COL25A1: variants seen among roughly 807,000 people sequenced by gnomAD.
COL25A1 encodes collagen type XXV alpha 1 chain.
COL25A1 carries 103 observed loss-of-function variants against 128.4 expected under a neutral mutation model. The observed-to-expected ratio is 0.80, with a 90% confidence interval of 0.68 to 0.94. COL25A1 has a LOEUF of 0.94. Ranked by LOEUF, COL25A1 falls within the 40% of genes least tolerant of loss-of-function variation. COL25A1 has a pLI of 0.00. For synonymous variants in COL25A1, 279 were observed against 277.2 expected (o/e 1.01, Z -0.06); for missense variants, 745 against 840.0 (o/e 0.89, Z 1.40).
intron 6 of COL25A1, among the ~76,000 whole-genome samples, chr4:108,986,485 G>T (rs956653666): frequency 3.1e-4 from 47 of 152,176 alleles, no homozygotes; most frequent in African/African-American, 1.1e-3. Flanking sequence ...TCTTCTGAAT[G>T]TAACCTGTAG....
In COL25A1 at chr4:109,273,568, T is replaced by C. The variant is rs543056345; in HGVS notation, c.367+27015A>G. 4.6e-5 allele frequency among the ~76,000 whole-genome samples: 7 copies of C among 152,318 alleles called. No individual in the cohort carries two copies. In the East Asian group the frequency reaches 1.3e-3, roughly 29 times the overall value. ...CAATATGTTCTCATATGATTATTAC[T>C]TCTGAATAGATATAATTAGTTGGTT... On this transcript the variant is annotated intron_variant, in intron 3 of 37. Transcript: ENST00000399132.
intron 15 of COL25A1, among the ~76,000 whole-genome samples, chr4:108,897,515 T>G (rs991591484): frequency 6.6e-6 from 1 of 152,228 alleles, no homozygotes; most frequent in Non-Finnish European, 1.5e-5. Flanking sequence ...TTCCAGCACC[T>G]ACTGGGCAAA....
At chr4:108,896,560 C>T (rs1742175478) in intron 16 of COL25A1, 107 bp downstream of exon 16, 1 of 864,094 alleles carries the variant, frequency 1.2e-6, no homozygotes, top group Admixed American at 1.9e-5. Flanking sequence ...CTGACCTTTT[C>T]ATATTAAGCA....
chr4:109,300,541 C>T, intron 3 of COL25A1, 42 bp downstream of exon 3: 2 of 1,362,944 alleles, frequency 1.5e-6, no homozygotes, highest in South Asian at 1.2e-5. Context: ...TTTTAAAATG[C>T]TCTGCTCTGG....
Position 108,920,605 on chromosome 4 carries a change from C to T in COL25A1, c.709-1G>A. On this transcript the variant is annotated splice_acceptor_variant, in intron 11 of 37. Coordinates refer to ENST00000399132, the MANE Select transcript of COL25A1 (RefSeq NM_198721.4). LOFTEE classifies it high-confidence loss of function. ...TTTGTCCCGGAGGCCCTAGAGGACCCTAAAAAAGAAAAACGATTCAATTAA... is the reference window on the plus strand; with the variant it reads ...TTTGTCCCGGAGGCCCTAGAGGACCTTAAAAAAGAAAAACGATTCAATTAA... The T allele has an allele frequency of 6.3e-7, 1 of 1,599,998 alleles. No individual in the cohort carries two copies. Among genetic ancestry groups the T allele is most frequent in the Non-Finnish European group, 8.5e-7 (1 of 1,171,296 alleles).
chr4:109,185,922 C>T (rs2126152796), intron 3 of COL25A1, among the ~76,000 whole-genome samples: 1 of 152,306 alleles, frequency 6.6e-6, no homozygotes, highest in African/African-American at 2.4e-5. Flanking sequence ...CGACTTCCAG[C>T]CTCCAGAACT....
At chr4:108,980,587 GA>G (rs1374955138) in intron 6 of COL25A1, among the ~76,000 whole-genome samples, 1 of 152,192 alleles carries the variant, frequency 6.6e-6, no homozygotes, top group Non-Finnish European at 1.5e-5. Context: ...TGAGGAGAGA[GA>G]AAACATTCTC....
chr4:108,836,396 A>G (rs1733817888), intron 31 of COL25A1, among the ~76,000 whole-genome samples: 1 of 152,184 alleles, frequency 6.6e-6, no homozygotes, highest in Non-Finnish European at 1.5e-5. Context: ...TTACATTATA[A>G]CATTTGAAAA....
rs1210342479 is a variant in COL25A1 at position 108,819,321 on chromosome 4, A to T, written c.1854T>A (p.Arg618=). ...DLGEKGEKGF[R]GVKGEKGEPG... is the part of the protein sequence containing the mutation. ...GCTCCCCTTTTTCCCCCTTAACGCC[A>T]CGGAATCCCTGTTTGTAAAGATTAA... The change falls in exon 36 of 38, where the codon CGT becomes CGA. Residue 618 remains arginine, a synonymous_variant. Coordinates refer to ENST00000399132, the MANE Select transcript of COL25A1 (RefSeq NM_198721.4). The T allele has an allele frequency of 6.2e-7, 1 of 1,612,634 alleles. No homozygotes were observed. Among genetic ancestry groups the T allele is most frequent in the East Asian group, 2.2e-5 (1 of 44,786 alleles).
At chr4:109,245,568 C>T (rs563725522) in intron 3 of COL25A1, among the ~76,000 whole-genome samples, 171 of 152,208 alleles carry the variant, frequency 1.1e-3, no homozygotes, top group African/African-American at 4.0e-3. Context: ...ATCTAATCAT[C>T]CAATCACCTA....
chr4:109,244,353 C>T (rs1265712495), intron 3 of COL25A1, among the ~76,000 whole-genome samples: 1 of 151,982 alleles, frequency 6.6e-6, no homozygotes, highest in Non-Finnish European at 1.5e-5. Context: ...AATTCACAGA[C>T]TATATCAAAA....
chr4:108,823,488 CT>C (rs1448149738), intron 35 of COL25A1, among the ~76,000 whole-genome samples: 2 of 152,128 alleles, frequency 1.3e-5, no homozygotes, highest in Non-Finnish European at 2.9e-5. Flanking sequence ...GAAAAATTGA[CT>C]TTTAAAATCC....
intron 35 of COL25A1, among the ~76,000 whole-genome samples, chr4:108,823,655 A>G (rs574723757): frequency 1.6e-4 from 24 of 152,276 alleles, no homozygotes; most frequent in African/African-American, 5.3e-4. Flanking sequence ...TCTGAATCTG[A>G]AAGTGGCAAG....
intron 20 of COL25A1, among the ~76,000 whole-genome samples, chr4:108,865,716 G>T (rs1339861646): frequency 6.6e-6 from 1 of 152,184 alleles, no homozygotes; most frequent in Admixed American, 6.5e-5. Flanking sequence ...TAATTTATCT[G>T]TAGTTCACCA....
intron 3 of COL25A1, among the ~76,000 whole-genome samples, chr4:109,199,079 T>C (rs1017343065): frequency 6.6e-6 from 1 of 152,232 alleles, no homozygotes; most frequent in African/African-American, 2.4e-5. Context: ...TCACTTTCTA[T>C]TTCCTCCTTA....
At chr4:109,134,684 G>A (rs1030343333) in intron 3 of COL25A1, among the ~76,000 whole-genome samples, 3 of 152,100 alleles carry the variant, frequency 2.0e-5, no homozygotes, top group South Asian at 2.1e-4. Flanking sequence ...AGGAACCCAC[G>A]ATTATTGTAT....
At chr4:109,075,668 C>A (rs1001120862) in intron 3 of COL25A1, among the ~76,000 whole-genome samples, 2 of 152,058 alleles carry the variant, frequency 1.3e-5, no homozygotes, top group Non-Finnish European at 2.9e-5. Context: ...AAAGTTAACA[C>A]AATATGTAAT....
chr4:109,045,598 G>C (rs934695595), intron 5 of COL25A1, among the ~76,000 whole-genome samples: 1 of 152,118 alleles, frequency 6.6e-6, no homozygotes, highest in African/African-American at 2.4e-5. Flanking sequence ...GGAATTGGAG[G>C]CTCAAGAAGA....
intron 3 of COL25A1, among the ~76,000 whole-genome samples, chr4:109,254,091 A>C (rs1025132086): frequency 6.8e-5 from 10 of 147,676 alleles, no homozygotes; most frequent in Admixed American, 2.7e-4. Context: ...CGTCTCAAGA[A>C]AAAAAAAAAA....
Sources: gnomAD v4.1 joint callset for allele counts (sites outside exome capture counted in the v4.1 genomes callset) on GRCh38, gnomAD v4.1.1 for gene constraint, MANE v1.5 for transcripts, NCBI Gene and HGNC (gene_info 2026-07-23, HGNC 2026-07-21) for gene names.